Variants in LMBR1 observed in about 807,000 individuals in gnomAD.
LMBR1 encodes the protein limb development membrane protein 1.
LMBR1 carries 52 observed loss-of-function variants against 73.9 expected under a neutral mutation model. The observed-to-expected ratio is 0.70, with a 90% CI of 0.56 to 0.89. LMBR1 has a LOEUF of 0.89. Among genes scored for constraint, LMBR1 ranks in the 40% least tolerant of loss-of-function variants. The pLI is 0.00. For missense variants in LMBR1, 539 were observed against 579.8 expected, an observed-to-expected ratio of 0.93 and a Z score of 0.72; for synonymous variants, 215 against 209.4, an observed-to-expected ratio of 1.03 and a Z score of -0.23.
At chr7:156,790,133 C>T (rs891857321) in intron 5 of LMBR1, among the ~76,000 whole-genome samples, 3 of 151,954 alleles carry the variant, frequency 2.0e-5, no homozygotes, top group African/African-American at 7.3e-5. Context: ...GATCCTATTT[C>T]AAAAAATAAA....
At chr7:156,795,397 T>C (rs1005424574) in intron 5 of LMBR1, among the ~76,000 whole-genome samples, 3 of 152,200 alleles carry the variant, frequency 2.0e-5, no homozygotes, top group Admixed American at 6.5e-5. Context: ...AGCAAGCTCC[T>C]ATAAAGAGCA....
chr7:156,829,848 G>C (rs2133852965), intron 3 of LMBR1, among the ~76,000 whole-genome samples: 1 of 152,284 alleles, frequency 6.6e-6, no homozygotes, highest in Middle Eastern at 3.4e-3. Flanking sequence ...GCCGTCTCCA[G>C]GGGCCTTGCT....
chr7:156,712,891 A>C (rs1177366271), intron 15 of LMBR1, among the ~76,000 whole-genome samples: 1 of 152,164 alleles, frequency 6.6e-6, no homozygotes, highest in Non-Finnish European at 1.5e-5. Context: ...GACGATGAGA[A>C]ATTATTTAAT....
intron 1 of LMBR1, among the ~76,000 whole-genome samples, chr7:156,857,141 T>C (rs760183980): frequency 2.0e-5 from 3 of 151,446 alleles, no homozygotes; most frequent in South Asian, 2.1e-4. Flanking sequence ...GTTAAAACTA[T>C]GGTAAATATT....
chr7:156,692,007 GTCA>G (rs1282149637), intron 15 of LMBR1, among the ~76,000 whole-genome samples: 3 of 152,042 alleles, frequency 2.0e-5, no homozygotes, highest in African/African-American at 7.2e-5. Context: ...CAAAAACAAA[GTCA>G]TCATAAAACG....
At chr7:156,755,072 TTAGCA>T (rs1821598724) in intron 9 of LMBR1, among the ~76,000 whole-genome samples, 2 of 152,226 alleles carry the variant, frequency 1.3e-5, no homozygotes, top group South Asian at 4.1e-4. Context: ...AAAATTATAC[TTAGCA>T]TTAGTTATCA....
At chr7:156,796,349 C>T in intron 5 of LMBR1, 40 bp downstream of exon 5, 1 of 1,338,322 alleles carries the variant, frequency 7.5e-7, no homozygotes, top group Non-Finnish European at 1.0e-6. Flanking sequence ...TATTTAATTC[C>T]TCACTTAACC....
intron 15 of LMBR1, among the ~76,000 whole-genome samples, chr7:156,723,356 A>G (rs73166109): frequency 0.038 from 5,859 of 152,210 alleles, 150 homozygotes; most frequent in Non-Finnish European, 0.045. Flanking sequence ...TTTAATGATC[A>G]AAATTTTCCA....
intron 1 of LMBR1, among the ~76,000 whole-genome samples, chr7:156,879,298 T>C (rs1302902666): frequency 6.6e-6 from 1 of 152,086 alleles, no homozygotes; most frequent in African/African-American, 2.4e-5. Flanking sequence ...TCTATACATC[T>C]GACAAAGGAC....
At chr7:156,763,438 C>T (rs1024572704) in intron 6 of LMBR1, among the ~76,000 whole-genome samples, 3 of 16,408 alleles carry the variant, frequency 1.8e-4, no homozygotes, top group Non-Finnish European at 3.2e-4. Context: ...AACCAATTAA[C>T]AAAAACAAAA....
chr7:156,692,482 G>C (rs1408313207), intron 15 of LMBR1, among the ~76,000 whole-genome samples: 2 of 152,226 alleles, frequency 1.3e-5, no homozygotes, highest in African/African-American at 2.4e-5. Flanking sequence ...TGGAGTAAAA[G>C]AGGCCAGATT....
chr7:156,734,356 C>T, intron 9 of LMBR1, 99 bp from the exon 10 acceptor site: 1 of 647,054 alleles, frequency 1.5e-6, no homozygotes, highest in Non-Finnish European at 2.6e-6. Context: ...ATGGCAAATC[C>T]TGCTAATCAA....
intron 5 of LMBR1, among the ~76,000 whole-genome samples, chr7:156,790,644 A>T (rs1014396632): frequency 6.6e-6 from 1 of 151,876 alleles, no homozygotes; most frequent in Non-Finnish European, 1.5e-5. Flanking sequence ...AAAAGCTGTT[A>T]CTTAACAGTA....
chr7:156,853,521 A>C (rs2134104768), intron 1 of LMBR1, among the ~76,000 whole-genome samples: 1 of 152,374 alleles, frequency 6.6e-6, no homozygotes, highest in Middle Eastern at 3.4e-3. Context: ...TAAAAGTAAA[A>C]TAGAACCACT....
At chr7:156,786,706 T>C (rs73166144) in intron 5 of LMBR1, among the ~76,000 whole-genome samples, 12,528 of 152,196 alleles carry the variant, frequency 0.082, 721 homozygotes, top group African/African-American at 0.16. Flanking sequence ...TGTTTGGGCC[T>C]GCTTATATAA....
intron 16 of LMBR1, among the ~76,000 whole-genome samples, chr7:156,687,678 T>G (rs1563134494): frequency 6.6e-6 from 1 of 152,188 alleles, no homozygotes; most frequent in East Asian, 1.9e-4. Flanking sequence ...TACCAAGAGA[T>G]AAGCTTTTCA....
intron 5 of LMBR1, among the ~76,000 whole-genome samples, chr7:156,785,194 T>C (rs891523551): frequency 3.3e-5 from 5 of 152,046 alleles, no homozygotes; most frequent in Admixed American, 2.0e-4. Flanking sequence ...GGAGAATCAC[T>C]TGAGCCCGGG....
At chr7:156,707,358 C>T (rs555707825) in intron 15 of LMBR1, among the ~76,000 whole-genome samples, 9 of 152,216 alleles carry the variant, frequency 5.9e-5, no homozygotes, top group East Asian at 5.8e-4. Flanking sequence ...AAAACTGAGG[C>T]GGAGGGAATT....
intron 9 of LMBR1, among the ~76,000 whole-genome samples, chr7:156,737,965 G>A (rs1437333667): frequency 6.6e-6 from 1 of 152,158 alleles, no homozygotes; most frequent in African/African-American, 2.4e-5. Flanking sequence ...TGCTGCAGAA[G>A]CACCAAATTT....
Sources: allele counts gnomAD v4.1 joint callset (sites outside exome capture counted in the v4.1 genomes callset), GRCh38; gene constraint gnomAD v4.1.1; transcripts MANE v1.5; gene names NCBI Gene and HGNC (gene_info 2026-07-23, HGNC 2026-07-21).